Variants in COPS3 observed in about 807,000 individuals in gnomAD.
The protein encoded by COPS3 is COP9 signalosome complex subunit 3.
COPS3 carries 10 observed loss-of-function variants against 58.2 expected under a neutral mutation model. That is an observed-to-expected ratio of 0.17 (90% confidence interval 0.11 to 0.29). The LOEUF (loss-of-function observed/expected upper bound fraction) is 0.29. COPS3 is among the 10% of genes least tolerant of loss of function. The probability of loss-of-function intolerance (pLI) is 1.00; values close to 1 mark genes in which losing one functional copy is unlikely to be tolerated. For synonymous variants in COPS3, 187 were observed against 181.7 expected, an observed-to-expected ratio of 1.03 and a Z score of -0.24; for missense variants, 333 against 510.1, an observed-to-expected ratio of 0.65 and a Z score of 3.34.
Position 17,247,731 on chromosome 17 carries a change from A to G in COPS3, c.1138-171T>C, listed in dbSNP as rs374444728. 3 of 572,340 alleles carry G rather than the reference A, an allele frequency of 5.2e-6. No individual in the cohort carries two copies. The East Asian group carries it at 8.4e-5, about 16-fold the overall frequency. The allele number at this position is 572,340 out of a possible 1,614,324, so 35.5% of individuals were successfully genotyped here. On this transcript the variant is annotated intron_variant, in intron 10 of 11. Transcript: ENST00000268717. ...TATTTTGGACTCAGAAAGCTAATAC[A>G]TCTATCATATAATACCAAATATCCC...
In COPS3 at chr17:17,246,861, A is replaced by C; in HGVS notation, c.*237T>G. 3.8e-6 allele frequency: 2 copies of C among 529,958 alleles called. No individual in the cohort carries two copies. Among genetic ancestry groups the C allele is most frequent in the Non-Finnish European group, 6.8e-6 (2 of 295,890 alleles). 32.8% of individuals were successfully genotyped at this position (529,958 alleles called of 1,614,324 possible). On this transcript the variant is annotated 3_prime_UTR_variant, in exon 12 of 12. Transcript: ENST00000268717. ...TAAAACAAAAAGGTAGATTTAATGC[A>C]GTAACAATAATCTGAGGATAAATAA...
intron 10 of COPS3, 165 bp from the exon 11 acceptor site, chr17:17,247,725 T>G: frequency 1.7e-6 from 1 of 588,588 alleles, no homozygotes; most frequent in Non-Finnish European, 3.0e-6. Context: ...CTCAGAAAGC[T>G]AATACATCTA....
intron 9 of COPS3, 138 bp from the exon 10 acceptor site, chr17:17,249,177 GTT>G: frequency 1.7e-6 from 1 of 572,490 alleles, no homozygotes; most frequent in Non-Finnish European, 3.1e-6. Context: ...AGCGCCATCT[GTT>G]TATCCAAGTA....
intron 4 of COPS3, among the ~76,000 whole-genome samples, chr17:17,270,015 G>A (rs1184971926): frequency 6.6e-6 from 1 of 152,058 alleles, no homozygotes; most frequent in East Asian, 1.9e-4. Flanking sequence ...AATTAGCTGG[G>A]CGTGGCAGCA....
intron 4 of COPS3, 46 bp downstream of exon 4, chr17:17,270,712 T>C: frequency 2.0e-6 from 3 of 1,467,578 alleles, no homozygotes; most frequent in Non-Finnish European, 2.8e-6. Flanking sequence ...TGTAAGCTAG[T>C]TACATATTAT....
chr17:17,246,762 A>T lies in COPS3; in HGVS notation c.*336T>A, dbSNP rs1380542913. 4.4e-6 allele frequency: 1 copy of T among 226,638 alleles called. No individual in the cohort carries two copies. The highest frequency in any genetic ancestry group is 8.6e-6 in the Non-Finnish European group (1 of 116,408). The allele number at this position is 226,638 out of a possible 1,614,324, so 14.0% of individuals were successfully genotyped here. A position where few individuals can be genotyped will look rare whatever the true frequency, so the allele number is the denominator to read the frequency against. On this transcript the variant is annotated 3_prime_UTR_variant, in exon 12 of 12. Transcript: ENST00000268717. Reference sequence around the variant, plus strand: ...TCCTAAAATCCAGCTATTTCTGTTCACAATGAATGTGCTTATTAAAAACTT... The same window carrying T: ...TCCTAAAATCCAGCTATTTCTGTTCTCAATGAATGTGCTTATTAAAAACTT...
intron 9 of COPS3, among the ~76,000 whole-genome samples, chr17:17,250,417 G>A (rs1350378444): frequency 6.6e-6 from 1 of 152,122 alleles, no homozygotes; most frequent in East Asian, 1.9e-4. Flanking sequence ...ACGATGCCCA[G>A]CTAATTTTTT....
intron 1 of COPS3, among the ~76,000 whole-genome samples, chr17:17,276,572 CTTT>C (rs369484876): frequency 7.0e-5 from 10 of 143,878 alleles, no homozygotes; most frequent in African/African-American, 2.5e-4. Flanking sequence ...TGGACTACAT[CTTT>C]TTTTTTTTTT....
At chr17:17,271,857 TAC>T (rs1555620694) in intron 2 of COPS3, among the ~76,000 whole-genome samples, 3,880 of 135,204 alleles carry the variant, frequency 0.029, 169 homozygotes, top group African/African-American at 0.097. Flanking sequence ...TATATATATA[TAC>T]ACACATACAC....
intron 6 of COPS3, among the ~76,000 whole-genome samples, chr17:17,262,740 A>AT (rs977370558): frequency 2.0e-5 from 3 of 150,808 alleles, no homozygotes; most frequent in Admixed American, 1.3e-4. Flanking sequence ...AAAAAAAAAA[A>AT]TATTTTTTGT....
rs747214135 is a variant in COPS3, at chr17:17,247,059, T to C, written c.*39A>G. On this transcript the variant is annotated 3_prime_UTR_variant, in exon 12 of 12. Transcript: ENST00000268717. ...TCCGAACACTTGTCACTGGCCAAGA[T>C]GGTAGTTTCTCTTGTTTAGCTCAGG... The C allele has an allele frequency of 7.0e-5, 110 of 1,573,504 alleles. 1 individual carries two copies. The highest frequency in any genetic ancestry group is 1.7e-5 in the Admixed American group (1 of 59,926).
Position 17,270,800 on chromosome 17 carries a change from C to A in COPS3, c.306G>T (p.Gly102=). 1 of 1,599,680 alleles carries A rather than the reference C, an allele frequency of 6.3e-7. No individual in the cohort carries two copies. Among genetic ancestry groups the A allele is most frequent in the East Asian group, 2.3e-5 (1 of 44,432 alleles). The stretch of plus-strand genomic sequence containing the variant: ...GTGCATTTGTTAGCTGATGGCAAAG[C>A]CCAGCAACTAGATACAATAACAAAA... ...HIRYATDTFA[G]LCHQLTNALV... The change falls in exon 4 of 12, where the codon GGG becomes GGT. Residue 102 remains glycine (G), a synonymous_variant. Transcript: ENST00000268717.
At chr17:17,268,933 A>G (rs1413644657) in intron 4 of COPS3, among the ~76,000 whole-genome samples, 1 of 152,182 alleles carries the variant, frequency 6.6e-6, no homozygotes, top group Non-Finnish European at 1.5e-5. Context: ...TTTCTTAACC[A>G]TCTCTTTCAA....
chr17:17,272,075 G>C (rs2048365758), intron 2 of COPS3, among the ~76,000 whole-genome samples: 1 of 151,644 alleles, frequency 6.6e-6, no homozygotes, highest in African/African-American at 2.4e-5. Flanking sequence ...AGATCACAAG[G>C]TCAGGAGTTC....
intron 9 of COPS3, among the ~76,000 whole-genome samples, chr17:17,251,897 G>T (rs369828871): frequency 5.5e-4 from 83 of 151,454 alleles, no homozygotes; most frequent in African/African-American, 2.0e-3. Flanking sequence ...GTGAAACCCC[G>T]TCTCTACTAA....
chr17:17,256,256 A>T (rs1396590825), intron 8 of COPS3, among the ~76,000 whole-genome samples: 1 of 152,094 alleles, frequency 6.6e-6, no homozygotes, highest in Non-Finnish European at 1.5e-5. Flanking sequence ...AAATAATTTT[A>T]TATATATATG....
chr17:17,275,484 G>A (rs765031982), intron 2 of COPS3, among the ~76,000 whole-genome samples: 57 of 152,046 alleles, frequency 3.7e-4, no homozygotes, highest in South Asian at 6.2e-4. Context: ...CTTTATGCCC[G>A]GATACATAAA....
At chr17:17,248,639 T>C (rs2047774445) in intron 10 of COPS3, among the ~76,000 whole-genome samples, 1 of 152,116 alleles carries the variant, frequency 6.6e-6, no homozygotes, top group Non-Finnish European at 1.5e-5. Context: ...AAGCAGCCCA[T>C]TCTGGGTTTC....
At chr17:17,270,449 T>A (rs1024395829) in intron 4 of COPS3, among the ~76,000 whole-genome samples, 2 of 152,106 alleles carry the variant, frequency 1.3e-5, no homozygotes, top group African/African-American at 4.8e-5. Flanking sequence ...AATTAAAAGT[T>A]AAAAGAAAAA....
Sources: gnomAD v4.1 joint callset for allele counts (sites outside exome capture counted in the v4.1 genomes callset) on GRCh38, gnomAD v4.1.1 for gene constraint, MANE v1.5 for transcripts, NCBI Gene and HGNC (gene_info 2026-07-23, HGNC 2026-07-21) for gene names.